Variants in SETBP1 observed in about 807,000 individuals in gnomAD.
SETBP1 encodes the protein SET binding protein 1.
Under a neutral mutation model 101.0 loss-of-function variants are expected in SETBP1, and 9 were observed. That is an observed-to-expected ratio of 0.09 (90% CI 0.05 to 0.16). The LOEUF is 0.16. Among genes scored for constraint, SETBP1 ranks in the 10% least tolerant of loss-of-function variants. The probability of loss-of-function intolerance (pLI) is 1.00; values close to 1 mark genes in which losing one functional copy is unlikely to be tolerated. For missense variants in SETBP1, 1,858 were observed against 2,033.8 expected (o/e 0.91, Z 1.66); for synonymous variants, 818 against 788.5 (o/e 1.04, Z -0.63).
At chr18:44,995,296 C>G (rs990176779) in intron 4 of SETBP1, among the ~76,000 whole-genome samples, 2 of 151,908 alleles carry the variant, frequency 1.3e-5, no homozygotes, top group African/African-American at 4.8e-5. Flanking sequence ...CACCTGCCAC[C>G]ATGCCCGACT....
chr18:44,777,612 C>A (rs894718077), intron 2 of SETBP1, among the ~76,000 whole-genome samples: 1 of 152,182 alleles, frequency 6.6e-6, no homozygotes, highest in Non-Finnish European at 1.5e-5. Context: ...ACCACCCTTT[C>A]CCCAGGCTTC....
chr18:44,846,533 G>T (rs1007092704), intron 2 of SETBP1, among the ~76,000 whole-genome samples: 5 of 152,154 alleles, frequency 3.3e-5, no homozygotes, highest in African/African-American at 1.2e-4. Context: ...GTTCCATTTT[G>T]AATCTGTGAA....
rs1206382376 is a variant in SETBP1 at position 44,950,485 on chromosome 18, C to T, written c.1145C>T (p.Pro382Leu). 1 of 1,614,088 alleles carries T rather than the reference C, an allele frequency of 6.2e-7. No homozygotes were observed. The highest frequency in any genetic ancestry group is 1.7e-5 in the Admixed American group (1 of 60,024). Residue 382 changes from proline (P) to leucine (L), a missense_variant, in exon 4 of 6, where the codon CCA becomes CTA. Coordinates refer to ENST00000649279, the MANE Select transcript of SETBP1 (RefSeq NM_015559.3). ...YSADSAQEAS[P>L]ARQNVSSASN... ...GCAGATAGTGCCCAAGAGGCATCACCAGCCAGGCAGAACGTGAGTTCTGCC... is the reference window on the plus strand; with the variant it reads ...GCAGATAGTGCCCAAGAGGCATCACTAGCCAGGCAGAACGTGAGTTCTGCC...
intron 2 of SETBP1, among the ~76,000 whole-genome samples, chr18:44,833,482 A>C (rs866242604): frequency 1.6e-4 from 25 of 152,218 alleles, no homozygotes; most frequent in African/African-American, 6.0e-4. Context: ...CATGGGTACC[A>C]AAGCCCATGT....
At chr18:45,026,574 T>G (rs2073168663) in intron 4 of SETBP1, among the ~76,000 whole-genome samples, 1 of 152,222 alleles carries the variant, frequency 6.6e-6, no homozygotes, top group African/African-American at 2.4e-5. Context: ...CCTACCTGAT[T>G]GCCAAGGATG....
chr18:44,689,352 A>G (rs1206859983), intron 1 of SETBP1, among the ~76,000 whole-genome samples: 2 of 152,216 alleles, frequency 1.3e-5, no homozygotes, highest in African/African-American at 2.4e-5. Context: ...CCCATAGCAG[A>G]CACCTTTGTG....
At chr18:44,886,006 A>G (rs902833715) in intron 3 of SETBP1, among the ~76,000 whole-genome samples, 1 of 152,058 alleles carries the variant, frequency 6.6e-6, no homozygotes, top group Non-Finnish European at 1.5e-5. Flanking sequence ...TATGCTTCAT[A>G]CCTGCTTTAC....
intron 2 of SETBP1, among the ~76,000 whole-genome samples, chr18:44,764,292 C>T (rs920342714): frequency 3.9e-5 from 6 of 152,244 alleles, no homozygotes; most frequent in Admixed American, 2.0e-4. Flanking sequence ...CCCCCAGACA[C>T]CTGCAGTACT....
chr18:44,797,230 T>C (rs1323309013), intron 2 of SETBP1, among the ~76,000 whole-genome samples: 3 of 152,246 alleles, frequency 2.0e-5, no homozygotes, highest in East Asian at 1.9e-4. Context: ...CAATGCCATA[T>C]GTCAGCATAT....
At chr18:44,931,363 G>A (rs2070829459) in intron 3 of SETBP1, among the ~76,000 whole-genome samples, 2 of 152,198 alleles carry the variant, frequency 1.3e-5, no homozygotes, top group Admixed American at 1.3e-4. Flanking sequence ...TTCCAACTGT[G>A]TGGTTAGTTT....
chr18:44,876,505 T>C, intron 3 of SETBP1: 9 of 1,215,062 alleles, frequency 7.4e-6, no homozygotes, highest in Non-Finnish European at 5.9e-6. Flanking sequence ...CTGGGTGGGG[T>C]CTGGATATTG....
intron 3 of SETBP1, chr18:44,876,711 T>C: frequency 7.3e-7 from 1 of 1,367,800 alleles, no homozygotes; most frequent in Non-Finnish European, 9.7e-7. Context: ...CTCTCACTCT[T>C]CCTTTTCACA....
chr18:44,681,169 A>G (rs528716311), intron 1 of SETBP1, 148 bp downstream of exon 1: 18 of 152,340 alleles, frequency 1.2e-4, no homozygotes, highest in African/African-American at 4.1e-4. Flanking sequence ...CCTTTTTGAA[A>G]GCACGCATTG....
At chr18:44,811,018 C>T (rs2071850838) in intron 2 of SETBP1, among the ~76,000 whole-genome samples, 1 of 152,168 alleles carries the variant, frequency 6.6e-6, no homozygotes. Context: ...GATTAGAATG[C>T]TGAAACTCCA....
chr18:44,728,001 C>G (rs1362977320), intron 2 of SETBP1, among the ~76,000 whole-genome samples: 7 of 152,152 alleles, frequency 4.6e-5, no homozygotes, highest in Non-Finnish European at 7.4e-5. Context: ...CATTTATCCC[C>G]TGTTTGCTCT....
At position 44,701,384 on chromosome 18, in the gene SETBP1, G is replaced by C; in HGVS notation, c.38G>C (p.Arg13Thr). 1 of 1,543,614 alleles carries C rather than the reference G, an allele frequency of 6.5e-7. No homozygotes were observed. The highest frequency in any genetic ancestry group is 2.4e-5 in the East Asian group (1 of 41,148). Reference protein sequence around the residue: ...SRETLSSSRQRGGESDFLPVS... With the variant: ...SRETLSSSRQTGGESDFLPVS... ...GAAACCTTAAGCAGCTCCCGGCAAAGAGGGGGCGAGTCAGACTTCCTGCCG... is the reference window on the plus strand; with the variant it reads ...GAAACCTTAAGCAGCTCCCGGCAAACAGGGGGCGAGTCAGACTTCCTGCCG... Residue 13 changes from arginine to threonine, a missense_variant, in exon 2 of 6, where the codon AGA becomes ACA. This residue lies in a region of SETBP1 where 97 missense variants were observed against 101.2 expected (regional missense o/e 0.96). Coordinates refer to ENST00000649279, the MANE Select transcript of SETBP1 (RefSeq NM_015559.3).
intron 3 of SETBP1, among the ~76,000 whole-genome samples, chr18:44,946,246 C>T (rs2071205053): frequency 6.6e-6 from 1 of 152,170 alleles, no homozygotes; most frequent in African/African-American, 2.4e-5. Flanking sequence ...GCTGAGCAGT[C>T]CCAGCAGGGC....
chr18:44,983,928 G>A (rs1383415871), intron 4 of SETBP1, among the ~76,000 whole-genome samples: 1 of 152,236 alleles, frequency 6.6e-6, no homozygotes, highest in East Asian at 1.9e-4. Context: ...TATAGGCCAG[G>A]TGCAGTGGCT....
Position 45,063,774 on chromosome 18 carries a change from A to G in SETBP1, c.*76A>G. 7.4e-6 allele frequency: 11 copies of G among 1,486,102 alleles called. No individual in the cohort carries two copies. Among genetic ancestry groups the G allele is most frequent in the Non-Finnish European group, 1.0e-5 (11 of 1,096,510 alleles). The allele number at this position is 1,486,102 out of a possible 1,614,324, so 92.1% of individuals were successfully genotyped here. ...GCGCAGTGAGCCGGGGCGGGGGCGG[A>G]ATCCCCCGCTGCAGGGACACCCACG... On this transcript the variant is annotated 3_prime_UTR_variant, in exon 6 of 6. Coordinates refer to ENST00000649279, the MANE Select transcript of SETBP1 (RefSeq NM_015559.3).
Sources: allele counts gnomAD v4.1 joint callset (sites outside exome capture counted in the v4.1 genomes callset), GRCh38; gene constraint gnomAD v4.1.1; regional missense constraint gnomAD v4.1.1; transcripts MANE v1.5; gene names NCBI Gene and HGNC (gene_info 2026-07-23, HGNC 2026-07-21).